PGBD5: variants seen among roughly 807,000 people sequenced by gnomAD.
The protein encoded by PGBD5 is piggyBac transposable element-derived protein 5.
A neutral mutation model predicts 47.9 loss-of-function variants in PGBD5; 14 were observed. The ratio of observed to expected loss-of-function variants is 0.29; its 90% CI spans 0.19 to 0.46. PGBD5 has a LOEUF of 0.46. Ranked by LOEUF, PGBD5 falls within the 20% of genes least tolerant of loss-of-function variation. The pLI is 1.00. For synonymous variants in PGBD5, 316 were observed against 306.3 expected, an observed-to-expected ratio of 1.03 and a Z score of -0.33; for missense variants, 635 against 716.0, an observed-to-expected ratio of 0.89 and a Z score of 1.29.
In PGBD5 at chr1:230,377,603, G is replaced by A. The variant is rs149364273; in HGVS notation, c.332-20282C>T. On this transcript the variant is annotated intron_variant, in intron 1 of 6. Coordinates refer to ENST00000391860, the MANE Select transcript of PGBD5 (RefSeq NM_001258311.2). ...AGAGTACTTTGCACGAAGAGAGCTC[G>A]AGTTCTGTAGTCAGGCATATCTGAC... 32 of 1,562,360 alleles carry A rather than the reference G, an allele frequency of 2.0e-5. No individual in the cohort carries two copies. In the African/African-American group the frequency reaches 2.9e-4, roughly 14 times the overall value.
At position 230,323,368 on chromosome 1, in the gene PGBD5, C is replaced by A. The variant is rs750758587; in HGVS notation, c.*57G>T. 2.6e-6 allele frequency: 4 copies of A among 1,560,162 alleles called. No individual in the cohort carries two copies. The highest frequency in any genetic ancestry group is 1.4e-5 in the African/African-American group (1 of 73,548). On this transcript the variant is annotated 3_prime_UTR_variant, in exon 7 of 7. Transcript: ENST00000391860. The surrounding 1 kb of genome is among the most constrained non-coding windows in gnomAD (Gnocchi z 4.1). ...CGGGTCTCTGATGGGCAAGTTGGAA[C>A]GGCAGGCTCTCCTCCTCCTCTTGCC...
rs1667247332 is a variant in PGBD5 at position 230,333,024 on chromosome 1, A to G, written c.1093T>C (p.Leu365=). ...FEKQGIYCCG[L]LRARKSDCTG... ...CAGTCACTCTTCCGCGCGCGGAGCA[A>G]GCCGCAGCAGTAAATCCCTGAGGGG... The change falls in exon 5 of 7, where the codon TTG becomes CTG. Residue 365 remains leucine (L), a synonymous_variant. Coordinates refer to ENST00000391860, the MANE Select transcript of PGBD5 (RefSeq NM_001258311.2). The G allele has an allele frequency of 1.2e-6, 2 of 1,601,028 alleles. No individual in the cohort carries two copies. Among genetic ancestry groups the G allele is most frequent in the East Asian group, 2.3e-5 (1 of 44,422 alleles).
chr1:230,349,580 T>C (rs890121292), intron 3 of PGBD5, among the ~76,000 whole-genome samples: 1 of 146,850 alleles, frequency 6.8e-6, no homozygotes, highest in African/African-American at 2.5e-5. Context: ...ATCTCAAGGA[T>C]GGCAGGACCA....
chr1:230,357,520 C>T lies in PGBD5; in HGVS notation c.332-199G>A, dbSNP rs1332883295. Among the ~76,000 whole-genome samples, 1 of 152,240 alleles carries T rather than the reference C, an allele frequency of 6.6e-6. No individual in the cohort carries two copies. The highest frequency in any genetic ancestry group is 1.5e-5 in the Non-Finnish European group (1 of 68,044). The stretch of plus-strand genomic sequence containing the variant: ...CGGCTCCCATAGCTTTTGTACGCCC[C>T]TTTGCTCCAAAACAGCCAGCTCTCC... On this transcript the variant is annotated intron_variant, in intron 1 of 6. Transcript: ENST00000391860. The surrounding 1 kb of genome is among the most constrained non-coding windows in gnomAD (Gnocchi z 5.7).
rs762681944 is a variant in PGBD5, at chr1:230,323,400, T to C, written c.*25A>G. The C allele has an allele frequency of 1.2e-6, 2 of 1,603,934 alleles. No individual in the cohort carries two copies. The highest frequency in any genetic ancestry group is 1.1e-5 in the South Asian group (1 of 89,238). ...CTCTCCTCCTCCTCTTGCCCCTCCCTTGACCGAGTCCTGCGCCCCCAGCAT... is the reference window on the plus strand; with the variant it reads ...CTCTCCTCCTCCTCTTGCCCCTCCCCTGACCGAGTCCTGCGCCCCCAGCAT... On this transcript the variant is annotated 3_prime_UTR_variant, in exon 7 of 7. Coordinates refer to ENST00000391860, the MANE Select transcript of PGBD5 (RefSeq NM_001258311.2). This position sits in a 1 kb window ranked among gnomAD's most constrained non-coding sequence, Gnocchi z 4.1.
intron 1 of PGBD5, among the ~76,000 whole-genome samples, chr1:230,380,219 C>T (rs1372919125): frequency 2.0e-5 from 3 of 152,196 alleles, no homozygotes; most frequent in Non-Finnish European, 2.9e-5. Flanking sequence ...ATGGACTTCC[C>T]TTGTAATCAC....
At chr1:230,423,910 G>A (rs1657714748) in intron 1 of PGBD5, among the ~76,000 whole-genome samples, 2 of 152,162 alleles carry the variant, frequency 1.3e-5, no homozygotes, top group Admixed American at 6.5e-5. Flanking sequence ...TAAGTGCTGC[G>A]GTGGCTGGAT....
intron 1 of PGBD5, among the ~76,000 whole-genome samples, chr1:230,409,739 T>C (rs75364219): frequency 8.2e-4 from 125 of 152,236 alleles, no homozygotes; most frequent in African/African-American, 2.9e-3. Context: ...ACTGTGAATA[T>C]ACTAAAAGCC....
Position 230,318,808 on chromosome 1 carries a change from A to G in PGBD5, c.*4617T>C. The G allele has an allele frequency of 6.6e-6, 1 of 152,434 alleles. No individual in the cohort carries two copies. The highest frequency in any genetic ancestry group is 2.1e-4 in the South Asian group (1 of 4,822). 9.4% of individuals were successfully genotyped at this position (152,434 alleles called of 1,614,324 possible). ...AAATCGCTATGGTTCTTTCTGGCTC[A>G]GGGTCTGGTGTGGCCAAGGGCTTGC... On this transcript the variant is annotated 3_prime_UTR_variant, in exon 7 of 7. Transcript: ENST00000391860.
At chr1:230,404,166 C>T (rs942485866) in intron 1 of PGBD5, among the ~76,000 whole-genome samples, 5 of 151,934 alleles carry the variant, frequency 3.3e-5, no homozygotes, top group Admixed American at 1.3e-4. Flanking sequence ...GGAAAAGGGA[C>T]GGATGAACAG....
At position 230,332,835 on chromosome 1, in the gene PGBD5, C is replaced by T. The variant is rs751073520; in HGVS notation, c.1273+9G>A. Reference sequence around the variant, plus strand: ...CGCCCCACTGTGTCAATGGCGGACCCGCACTCACCCTGCTGCACCGGGGAG... The same window carrying T: ...CGCCCCACTGTGTCAATGGCGGACCTGCACTCACCCTGCTGCACCGGGGAG... On this transcript the variant is annotated intron_variant, in intron 5 of 6. Coordinates refer to ENST00000391860, the MANE Select transcript of PGBD5 (RefSeq NM_001258311.2). 1.2e-6 allele frequency: 2 copies of T among 1,614,088 alleles called. No individual in the cohort carries two copies. Among genetic ancestry groups the T allele is most frequent in the Middle Eastern group, 1.7e-4 (1 of 6,060 alleles).
At chr1:230,326,888 C>A (rs1011055503) in intron 5 of PGBD5, among the ~76,000 whole-genome samples, 1 of 152,180 alleles carries the variant, frequency 6.6e-6, no homozygotes, top group African/African-American at 2.4e-5. Context: ...CCCTCAAACA[C>A]CTTTTCCTCT....
rs1667045183 is a variant in PGBD5 at position 230,322,301 on chromosome 1, T to C, written c.*1124A>G. The C allele has an allele frequency of 6.6e-6, 1 of 152,058 alleles. No homozygotes were observed. The highest frequency in any genetic ancestry group is 6.6e-5 in the Admixed American group (1 of 15,262). The allele number at this position is 152,058 out of a possible 1,614,324, so 9.4% of individuals were successfully genotyped here. ...CATGTCAAATCACACCTGACCAGAGTTGTCACCACAGTCCTGTTTTGGGGT... is the reference window on the plus strand; with the variant it reads ...CATGTCAAATCACACCTGACCAGAGCTGTCACCACAGTCCTGTTTTGGGGT... On this transcript the variant is annotated 3_prime_UTR_variant, in exon 7 of 7. Coordinates refer to ENST00000391860, the MANE Select transcript of PGBD5 (RefSeq NM_001258311.2). This position sits in a 1 kb window ranked among gnomAD's most constrained non-coding sequence, Gnocchi z 5.9.
intron 1 of PGBD5, among the ~76,000 whole-genome samples, chr1:230,361,259 G>A (rs1667737857): frequency 6.6e-6 from 1 of 152,156 alleles, no homozygotes; most frequent in Admixed American, 6.5e-5. Context: ...TGAAGGGGAA[G>A]GGAGAACCTA....
At position 230,323,229 on chromosome 1, in the gene PGBD5, G is replaced by A. The variant is rs1388825072; in HGVS notation, c.*196C>T. ...GGCACTGTTTCTCGAGGGAGGACAT[G>A]CTCTTCTTGGAATGCAAATGAGGAC... On this transcript the variant is annotated 3_prime_UTR_variant, in exon 7 of 7. Transcript: ENST00000391860. This position sits in a 1 kb window ranked among gnomAD's most constrained non-coding sequence, Gnocchi z 4.1. 5 of 600,642 alleles carry A rather than the reference G, an allele frequency of 8.3e-6. No homozygotes were observed. Among genetic ancestry groups the A allele is most frequent in the Non-Finnish European group, 1.4e-5 (5 of 350,114 alleles). The allele number at this position is 600,642 out of a possible 1,614,324, so 37.2% of individuals were successfully genotyped here.
intron 1 of PGBD5, among the ~76,000 whole-genome samples, chr1:230,410,308 T>G (rs1657385723): frequency 6.6e-6 from 1 of 152,160 alleles, no homozygotes; most frequent in Non-Finnish European, 1.5e-5. Context: ...TGAGAATATT[T>G]CCCAGAGAGA....
At position 230,426,293 on chromosome 1, in the gene PGBD5, C is replaced by G. The variant is rs1231942295; in HGVS notation, c.-365G>C. ...TGCGTCTCCTCGGCGCCCGCCGCCT[C>G]CCTGCCCGCCCTCTCCACGGCCTCC... is the stretch of plus-strand genomic sequence containing the variant. On this transcript the variant is annotated 5_prime_UTR_variant, in exon 1 of 7. Transcript: ENST00000391860. 6.7e-6 allele frequency: 1 copy of G among 149,582 alleles called. No individual in the cohort carries two copies. The highest frequency in any genetic ancestry group is 2.4e-5 in the African/African-American group (1 of 41,044). 9.3% of individuals were successfully genotyped at this position (149,582 alleles called of 1,614,324 possible). A position where few individuals can be genotyped will look rare whatever the true frequency, so the allele number is the denominator to read the frequency against.
At chr1:230,383,524 G>A (rs57298062) in intron 1 of PGBD5, among the ~76,000 whole-genome samples, 12,801 of 151,874 alleles carry the variant, frequency 0.084, 805 homozygotes, top group African/African-American at 0.18. Context: ...CACCAAGCCT[G>A]GCTTATTTTA....
chr1:230,338,355 C>T lies in PGBD5; in HGVS notation c.895-1067G>A, dbSNP rs114653478. Among the ~76,000 whole-genome samples, 720 of 152,320 alleles carry T rather than the reference C, an allele frequency of 4.7e-3. 6 individuals carry two copies. The highest frequency in any genetic ancestry group is 0.016 in the African/African-American group (676 of 41,570). On this transcript the variant is annotated intron_variant, in intron 3 of 6. Coordinates refer to ENST00000391860, the MANE Select transcript of PGBD5 (RefSeq NM_001258311.2). Reference sequence around the variant, plus strand: ...CAATCAAAATGTTGACTGGTGGGTTCTCATCTGGTGCTTGGGATCTGCATT... The same window carrying T: ...CAATCAAAATGTTGACTGGTGGGTTTTCATCTGGTGCTTGGGATCTGCATT...
Sources: gnomAD v4.1 joint callset for allele counts (sites outside exome capture counted in the v4.1 genomes callset) on GRCh38, gnomAD v4.1.1 for gene constraint, Gnocchi (gnomAD v3.1) non-coding constraint, MANE v1.5 for transcripts, NCBI Gene and HGNC (gene_info 2026-07-23, HGNC 2026-07-21) for gene names.